The following ZC3H13 variants were observed in gnomAD, a reference collection of about 807,000 sequenced individuals.
ZC3H13 encodes zinc finger CCCH domain-containing protein 13.
In ZC3H13, 64 loss-of-function variants were observed where a neutral mutation model predicts 204.1. The observed-to-expected ratio is 0.31, with a 90% CI of 0.26 to 0.39. The LOEUF is 0.39. Ranked by LOEUF, ZC3H13 falls within the 10% of genes least tolerant of loss-of-function variation. ZC3H13 has a pLI of 1.00. For synonymous variants in ZC3H13, 667 were observed against 693.7 expected (o/e 0.96, Z 0.60); for missense variants, 1,833 against 2,082.7 (o/e 0.88, Z 2.33).
chr13:46,020,385 C>A, intron 5 of ZC3H13, 64 bp downstream of exon 5: 1 of 1,230,062 alleles, frequency 8.1e-7, no homozygotes, highest in African/African-American at 1.5e-5. Flanking sequence ...TTCTGAAGCC[C>A]ACGAAAACTC....
intron 5 of ZC3H13, among the ~76,000 whole-genome samples, chr13:46,013,094 A>AG (rs1432947500): frequency 6.6e-6 from 1 of 152,130 alleles, no homozygotes; most frequent in Non-Finnish European, 1.5e-5. Flanking sequence ...TATCCAACCA[A>AG]GGGGGAGAGG....
chr13:45,994,213 A>G (rs935579031), intron 8 of ZC3H13, among the ~76,000 whole-genome samples: 6 of 152,258 alleles, frequency 3.9e-5, no homozygotes, highest in African/African-American at 1.4e-4. Context: ...ATAACAATAC[A>G]GTATATAATA....
chr13:45,998,383 C>T (rs1566243280), intron 8 of ZC3H13, among the ~76,000 whole-genome samples: 1 of 152,222 alleles, frequency 6.6e-6, no homozygotes, highest in East Asian at 1.9e-4. Context: ...CGGTGGCTCA[C>T]ACCTGTCATC....
At chr13:45,965,548 C>A in intron 15 of ZC3H13, 116 bp from the exon 16 acceptor site, 1 of 915,968 alleles carries the variant, frequency 1.1e-6, no homozygotes, top group African/African-American at 1.7e-5. Flanking sequence ...ATCTTTTCAT[C>A]AGAAAACTGT....
chr13:45,993,585 T>A (rs977011900), intron 8 of ZC3H13, among the ~76,000 whole-genome samples: 2 of 152,214 alleles, frequency 1.3e-5, no homozygotes, highest in African/African-American at 4.8e-5. Flanking sequence ...AAGTCTGGAT[T>A]TTATTCTAAG....
At chr13:46,039,969 C>T (rs1237360257) in intron 4 of ZC3H13, among the ~76,000 whole-genome samples, 1 of 151,984 alleles carries the variant, frequency 6.6e-6, no homozygotes, top group East Asian at 1.9e-4. Flanking sequence ...ACTGGCAGAC[C>T]GCTGAGGCAT....
At chr13:45,979,737 A>G (rs1953382874) in intron 11 of ZC3H13, 76 bp downstream of exon 11, 3 of 1,401,954 alleles carry the variant, frequency 2.1e-6, no homozygotes, top group Non-Finnish European at 2.9e-6. Flanking sequence ...ATTAAAAAGT[A>G]AATTGGTAAC....
At position 45,967,820 on chromosome 13, in the gene ZC3H13, C is replaced by G; in HGVS notation, c.4005G>C (p.Arg1335Ser). Residue 1335 changes from arginine to serine, a missense_variant, in exon 15 of 19, where the codon AGG becomes AGC. This residue lies in a region of ZC3H13 where 1,574 missense variants were observed against 1,757.2 expected (regional missense o/e 0.90). Transcript: ENST00000679008. Reference sequence around the variant, plus strand: ...CTCGTTCTCGCAATCTATCTCGATCCCTGTTGCGTGGCCAATCTTTATCAG... The same window carrying G: ...CTCGTTCTCGCAATCTATCTCGATCGCTGTTGCGTGGCCAATCTTTATCAG... Reference protein sequence around the residue: ...RDADKDWPRNRDRDRLRERER... With the variant: ...RDADKDWPRNSDRDRLRERER... The G allele has an allele frequency of 6.2e-7, 1 of 1,613,544 alleles. No individual in the cohort carries two copies. The highest frequency in any genetic ancestry group is 8.5e-7 in the Non-Finnish European group (1 of 1,179,788).
rs992681739 is a variant in ZC3H13, at chr13:45,979,930, G to T, written c.1795C>A (p.Arg599=). ...CTATCTCTTTCAGGATAGCTACTTC[G>T]AGTTTCCCAGCTGTCATGATAGTTG... The part of the protein sequence containing the change: ...NSNYHDSWET[R]SSYPERDRYP... The change falls in exon 11 of 19, where the codon CGA becomes AGA. Residue 599 remains arginine (R), a synonymous_variant. Coordinates refer to ENST00000679008, the MANE Select transcript of ZC3H13 (RefSeq NM_001330564.2). 1 of 1,612,082 alleles carries T rather than the reference G, an allele frequency of 6.2e-7. No individual in the cohort carries two copies. The highest frequency in any genetic ancestry group is 8.5e-7 in the Non-Finnish European group (1 of 1,179,052).
intron 17 of ZC3H13, 36 bp downstream of exon 17, chr13:45,963,806 A>G (rs1214062501): frequency 6.2e-7 from 1 of 1,612,530 alleles, no homozygotes; most frequent in Non-Finnish European, 8.5e-7. Flanking sequence ...TTAAATGGTT[A>G]ACAGACATTA....
chr13:45,998,923 C>T (rs368885932), intron 8 of ZC3H13, among the ~76,000 whole-genome samples: 2 of 152,078 alleles, frequency 1.3e-5, no homozygotes, highest in South Asian at 4.2e-4. Flanking sequence ...TGTTCGCTAG[C>T]ATTTTACCCA....
chr13:46,023,585 T>C (rs2042353585), intron 4 of ZC3H13, among the ~76,000 whole-genome samples: 1 of 152,158 alleles, frequency 6.6e-6, no homozygotes, highest in Admixed American at 6.5e-5. Flanking sequence ...TCCCCTGACT[T>C]AGAATTGAAA....
At chr13:46,000,423 C>T (rs1326381462) in intron 8 of ZC3H13, among the ~76,000 whole-genome samples, 5 of 152,232 alleles carry the variant, frequency 3.3e-5, no homozygotes, top group African/African-American at 1.2e-4. Flanking sequence ...CTTCATCTTG[C>T]ACTTTTGTGC....
intron 3 of ZC3H13, among the ~76,000 whole-genome samples, chr13:46,044,076 T>TA (rs2043771594): frequency 6.6e-6 from 1 of 151,662 alleles, no homozygotes; most frequent in Non-Finnish European, 1.5e-5. Context: ...GTACAATGTT[T>TA]ACGTGAAAAA....
chr13:45,980,498 A>G (rs1188492935), intron 10 of ZC3H13, among the ~76,000 whole-genome samples: 1 of 152,212 alleles, frequency 6.6e-6, no homozygotes, highest in African/African-American at 2.4e-5. Context: ...TTTGTTGATA[A>G]CAGCCAAAAC....
chr13:45,985,198 C>T (rs1330964553), intron 10 of ZC3H13, 99 bp downstream of exon 10: 1 of 1,241,218 alleles, frequency 8.1e-7, no homozygotes, highest in Non-Finnish European at 1.1e-6. Flanking sequence ...ATTACTGTGA[C>T]AAAATGATAA....
chr13:46,002,354 G>A (rs542851614), intron 8 of ZC3H13, among the ~76,000 whole-genome samples: 49 of 152,210 alleles, frequency 3.2e-4, no homozygotes, highest in African/African-American at 9.1e-4. Context: ...GAAAACAGTA[G>A]GCAGGTTTCT....
At chr13:45,992,379 G>A (rs4362286) in intron 8 of ZC3H13, among the ~76,000 whole-genome samples, 114,123 of 152,174 alleles carry the variant, frequency 0.75, 43,282 homozygotes, top group African/African-American at 0.85. Flanking sequence ...AGCAAGTAAC[G>A]TATATTGCTA....
intron 10 of ZC3H13, among the ~76,000 whole-genome samples, chr13:45,982,658 A>G (rs1953751437): frequency 6.6e-6 from 1 of 152,228 alleles, no homozygotes; most frequent in Non-Finnish European, 1.5e-5. Context: ...GGATTTTGGA[A>G]TATTTGCATT....
Sources: allele counts gnomAD v4.1 joint callset (sites outside exome capture counted in the v4.1 genomes callset), GRCh38; gene constraint gnomAD v4.1.1; regional missense constraint gnomAD v4.1.1; transcripts MANE v1.5; gene names NCBI Gene and HGNC (gene_info 2026-07-23, HGNC 2026-07-21).